Variants in LRRC58 observed in about 807,000 individuals in gnomAD.
The protein encoded by LRRC58 is leucine rich repeat containing 58, also known as leucine-rich repeat-containing protein 58.
Under a neutral mutation model 30.6 loss-of-function variants are expected in LRRC58, and 18 were observed. That is an observed-to-expected ratio of 0.59 (90% CI 0.41 to 0.87). The LOEUF (loss-of-function observed/expected upper bound fraction) is 0.87, where lower values mean the gene tolerates loss of function less well. LRRC58 is among the 40% of genes least tolerant of loss of function. The pLI is 0.00. For missense variants in LRRC58, 420 were observed against 468.4 expected (o/e 0.90, Z 0.95); for synonymous variants, 221 against 206.0 (o/e 1.07, Z -0.62).
At chr3:120,347,527 G>T (rs1935987662) in intron 1 of LRRC58, among the ~76,000 whole-genome samples, 1 of 150,226 alleles carries the variant, frequency 6.7e-6, no homozygotes, top group Non-Finnish European at 1.5e-5. Flanking sequence ...GAGTAGCTGG[G>T]ACTACAGGCG....
At chr3:120,333,024 G>A (rs6782419) in intron 3 of LRRC58, among the ~76,000 whole-genome samples, 28,504 of 150,760 alleles carry the variant, frequency 0.19, 3,795 homozygotes, top group African/African-American at 0.36. Context: ...CCCCGGAGGC[G>A]GAGCTTGCAG....
chr3:120,347,585 G>A (rs1216622210), intron 1 of LRRC58, among the ~76,000 whole-genome samples: 1 of 150,222 alleles, frequency 6.7e-6, no homozygotes, highest in African/African-American at 2.4e-5. Flanking sequence ...TAGAGACGGG[G>A]TTTCACCTTG....
chr3:120,327,052 G>A lies in LRRC58; in HGVS notation c.*4148C>T, dbSNP rs564292016. 5.9e-5 allele frequency: 9 copies of A among 152,206 alleles called. No homozygotes were observed. The highest frequency in any genetic ancestry group is 1.9e-4 in the African/African-American group (8 of 41,530). 9.4% of individuals were successfully genotyped at this position (152,206 alleles called of 1,614,324 possible). On this transcript the variant is annotated 3_prime_UTR_variant, in exon 4 of 4. Coordinates refer to ENST00000295628, the MANE Select transcript of LRRC58 (RefSeq NM_001099678.2). Reference sequence around the variant, plus strand: ...GTATTACTTGCTGGCCCTTAATTACGGAGGGATATGGACAATCTCCCAATA... The same window carrying A: ...GTATTACTTGCTGGCCCTTAATTACAGAGGGATATGGACAATCTCCCAATA...
rs1198402313 is a variant in LRRC58, at chr3:120,329,875, ATAT to A, written c.*1322_*1324del. ...TGTACTATTATTCAATTTGTATTGC[ATAT>A]TAAAGTACTTAATAAAAATTTGGTA... On this transcript the variant is annotated 3_prime_UTR_variant, in exon 4 of 4. Transcript: ENST00000295628. 1 of 152,058 alleles carries A rather than the reference ATAT, an allele frequency of 6.6e-6. No individual in the cohort carries two copies. The highest frequency in any genetic ancestry group is 1.5e-5 in the Non-Finnish European group (1 of 67,934). The allele number at this position is 152,058 out of a possible 1,614,324, so 9.4% of individuals were successfully genotyped here. A position where few individuals can be genotyped will look rare whatever the true frequency, so the allele number is the denominator to read the frequency against.
chr3:120,324,970 GTA>G lies in LRRC58; in HGVS notation c.*6228_*6229del, dbSNP rs1935653759. On this transcript the variant is annotated 3_prime_UTR_variant, in exon 4 of 4. Transcript: ENST00000295628. Reference sequence around the variant, plus strand: ...AAAAAGTAATTTGACCCAAGTAAAAGTATGTTTTCAGTACCCTTCGTTAATAC... The same window carrying G: ...AAAAAGTAATTTGACCCAAGTAAAAGTGTTTTCAGTACCCTTCGTTAATAC... The G allele has an allele frequency of 6.6e-6, 1 of 152,242 alleles. No individual in the cohort carries two copies. The highest frequency in any genetic ancestry group is 6.5e-5 in the Admixed American group (1 of 15,278). 9.4% of individuals were successfully genotyped at this position (152,242 alleles called of 1,614,324 possible).
chr3:120,342,434 C>A (rs1023808165), intron 1 of LRRC58, among the ~76,000 whole-genome samples: 1 of 152,164 alleles, frequency 6.6e-6, no homozygotes, highest in Non-Finnish European at 1.5e-5. Context: ...AGAGGAGTAT[C>A]CTCTAAGCTG....
At chr3:120,340,093 T>C (rs750001658) in intron 1 of LRRC58, among the ~76,000 whole-genome samples, 3 of 152,128 alleles carry the variant, frequency 2.0e-5, no homozygotes, top group Non-Finnish European at 4.4e-5. Flanking sequence ...ACTCCTGACC[T>C]CATGATACGC....
intron 1 of LRRC58, among the ~76,000 whole-genome samples, chr3:120,342,907 T>A (rs1462333673): frequency 6.6e-6 from 1 of 152,212 alleles, no homozygotes; most frequent in East Asian, 1.9e-4. Flanking sequence ...CCTCCAGAAC[T>A]GTGACACATA....
rs143620093 is a variant in LRRC58, at chr3:120,335,031, T to C, written c.738A>G (p.Pro246=). 1.6e-3 allele frequency: 2,520 copies of C among 1,613,898 alleles called. 39 individuals carry two copies. In the African/African-American group the frequency reaches 0.03, roughly 19 times the overall value. ...AATCTCTAACAAAACGAACAACCAATGGATTTCCTCGTAAACTCAACTCTT... is the reference window on the plus strand; with the variant it reads ...AATCTCTAACAAAACGAACAACCAACGGATTTCCTCGTAAACTCAACTCTT... The part of the protein sequence containing the change: ...HLEELSLRGN[P]LVVRFVRDLT... Residue 246 remains proline (P), a synonymous_variant, in exon 3 of 4, where the codon CCA becomes CCG. Coordinates refer to ENST00000295628, the MANE Select transcript of LRRC58 (RefSeq NM_001099678.2).
At position 120,349,196 on chromosome 3, in the gene LRRC58, C is replaced by A; in HGVS notation, c.48G>T (p.Leu16=). ...AAVVTAGEAE[L]NWSRLSVSTE... ...TGGACACGCTGAGGCGGGACCAGTTCAGTTCGGCCTCCCCGGCCGTGACCA... is the reference window on the plus strand; with the variant it reads ...TGGACACGCTGAGGCGGGACCAGTTAAGTTCGGCCTCCCCGGCCGTGACCA... Residue 16 remains leucine, a synonymous_variant, in exon 1 of 4, where the codon CTG becomes CTT. Coordinates refer to ENST00000295628, the MANE Select transcript of LRRC58 (RefSeq NM_001099678.2). 6.8e-7 allele frequency: 1 copy of A among 1,460,836 alleles called. No homozygotes were observed. Among genetic ancestry groups the A allele is most frequent in the Non-Finnish European group, 9.0e-7 (1 of 1,112,394 alleles). 90.5% of individuals were successfully genotyped at this position (1,460,836 alleles called of 1,614,324 possible).
intron 3 of LRRC58, among the ~76,000 whole-genome samples, 161 bp downstream of exon 3, chr3:120,334,701 G>GA (rs1935810246): frequency 6.6e-6 from 1 of 151,926 alleles, no homozygotes; most frequent in South Asian, 2.1e-4. Context: ...AAAATATTAT[G>GA]AAAAAGAATT....
At chr3:120,332,750 G>A (rs1935775258) in intron 3 of LRRC58, among the ~76,000 whole-genome samples, 1 of 151,146 alleles carries the variant, frequency 6.6e-6, no homozygotes, top group Middle Eastern at 3.4e-3. Context: ...ATTTTAAACT[G>A]ATACTTTTTT....
chr3:120,335,797 G>T, intron 2 of LRRC58, 28 bp downstream of exon 2: 2 of 1,585,468 alleles, frequency 1.3e-6, no homozygotes, highest in Non-Finnish European at 1.7e-6. Context: ...AGATGTCTGC[G>T]TATATACAAA....
In LRRC58 at chr3:120,326,526, A is replaced by C. The variant is rs1576178898; in HGVS notation, c.*4674T>G. On this transcript the variant is annotated 3_prime_UTR_variant, in exon 4 of 4. Coordinates refer to ENST00000295628, the MANE Select transcript of LRRC58 (RefSeq NM_001099678.2). ...ATACAGGGCATAGCACTTAATATGG[A>C]AACTGGGACATTCAATACAGAAGGA... 1 of 152,332 alleles carries C rather than the reference A, an allele frequency of 6.6e-6. No individual in the cohort carries two copies. The highest frequency in any genetic ancestry group is 1.5e-5 in the Non-Finnish European group (1 of 68,030). 9.4% of individuals were successfully genotyped at this position (152,332 alleles called of 1,614,324 possible).
chr3:120,333,316 T>A (rs1935785439), intron 3 of LRRC58, among the ~76,000 whole-genome samples: 1 of 152,178 alleles, frequency 6.6e-6, no homozygotes. Context: ...CAGAAAAGCA[T>A]GAATTCAAAG....
At position 120,348,881 on chromosome 3, in the gene LRRC58, G is replaced by A. The variant is rs745540898; in HGVS notation, c.363C>T (p.Ser121=). ...KGLAQSPLCR[S]LQVLNLSGNC... is the part of the protein sequence containing the mutation. ...TGCCGCTGAGGTTGAGCACCTGGAG[G>A]CTGCGGCAGAGCGGCGACTGGGCCA... Residue 121 remains serine (S), a synonymous_variant, in exon 1 of 4, where the codon AGC becomes AGT. Coordinates refer to ENST00000295628, the MANE Select transcript of LRRC58 (RefSeq NM_001099678.2). 2.5e-6 allele frequency: 4 copies of A among 1,592,502 alleles called. No individual in the cohort carries two copies. Among genetic ancestry groups the A allele is most frequent in the South Asian group, 2.3e-5 (2 of 87,700 alleles).
At position 120,329,374 on chromosome 3, in the gene LRRC58, T is replaced by C. The variant is rs1935723554; in HGVS notation, c.*1826A>G. 1 of 152,112 alleles carries C rather than the reference T, an allele frequency of 6.6e-6. No homozygotes were observed. The highest frequency in any genetic ancestry group is 2.1e-4 in the South Asian group (1 of 4,824). The allele number at this position is 152,112 out of a possible 1,614,324, so 9.4% of individuals were successfully genotyped here. ...AAGCAAAGACTTTATACCTCTATTT[T>C]ATGATATAATCACCTATGTATTACT... On this transcript the variant is annotated 3_prime_UTR_variant, in exon 4 of 4. Transcript: ENST00000295628.
At chr3:120,333,896 A>ATT (rs1334008596) in intron 3 of LRRC58, among the ~76,000 whole-genome samples, 1 of 152,070 alleles carries the variant, frequency 6.6e-6, no homozygotes, top group South Asian at 2.1e-4. Flanking sequence ...CCTATCCTCA[A>ATT]TTTTATCCTA....
At chr3:120,339,485 A>G (rs941392367) in intron 1 of LRRC58, among the ~76,000 whole-genome samples, 2 of 152,144 alleles carry the variant, frequency 1.3e-5, no homozygotes, top group African/African-American at 4.8e-5. Flanking sequence ...GCAAGAACTC[A>G]TGGTTGTTAA....
Sources: allele counts gnomAD v4.1 joint callset (sites outside exome capture counted in the v4.1 genomes callset), GRCh38; gene constraint gnomAD v4.1.1; transcripts MANE v1.5; gene names NCBI Gene and HGNC (gene_info 2026-07-23, HGNC 2026-07-21).